RAD51C: variants seen among roughly 807,000 people sequenced by gnomAD.
The protein encoded by RAD51C is DNA repair protein RAD51 homolog 3.
A neutral mutation model predicts 45.0 loss-of-function variants in RAD51C; 42 were observed. The observed-to-expected ratio is 0.93, with a 90% CI of 0.73 to 1.21. The LOEUF (loss-of-function observed/expected upper bound fraction) is 1.21. RAD51C is among the 50% of genes most tolerant of loss of function. The pLI is 0.00. For synonymous variants in RAD51C, 172 were observed against 159.8 expected, an observed-to-expected ratio of 1.08 and a Z score of -0.58; for missense variants, 474 against 452.2, an observed-to-expected ratio of 1.05 and a Z score of -0.44.
chr17:58,718,016 G>A (rs1396120669), intron 5 of RAD51C, among the ~76,000 whole-genome samples: 1 of 151,674 alleles, frequency 6.6e-6, no homozygotes, highest in Admixed American at 6.6e-5. Flanking sequence ...TTTTTTTTGA[G>A]TTGGAGTCTT....
At chr17:58,695,657 T>TAG (rs2047977445) in intron 2 of RAD51C, among the ~76,000 whole-genome samples, 2 of 152,020 alleles carry the variant, frequency 1.3e-5, no homozygotes, top group Non-Finnish European at 2.9e-5. Flanking sequence ...TGGTGGCACA[T>TAG]GCCTGTGGTC....
intron 7 of RAD51C, among the ~76,000 whole-genome samples, chr17:58,731,259 T>TC (rs536926199): frequency 1.1e-5 from 1 of 87,846 alleles, no homozygotes. Flanking sequence ...TTAAAAGCAG[T>TC]TTTTTTTTTT....
chr17:58,692,654 A>T lies in RAD51C; in HGVS notation c.11A>T (p.Lys4Met), dbSNP rs2047798678. ...GCAGGTGAGCCTGCGATGCGCGGGAAGACGTTCCGCTTTGAAATGCAGCGG... is the reference window on the plus strand; with the variant it reads ...GCAGGTGAGCCTGCGATGCGCGGGATGACGTTCCGCTTTGAAATGCAGCGG... MRG[K>M]TFRFEMQRDL... Residue 4 changes from lysine (K) to methionine (M), a missense_variant, in exon 1 of 9, where the codon AAG (lysine) becomes ATG (methionine). Lys to Met is a moderately conservative substitution (Grantham distance 95). Transcript: ENST00000337432. The T allele has an allele frequency of 6.2e-7, 1 of 1,614,170 alleles. No homozygotes were observed. Among genetic ancestry groups the T allele is most frequent in the East Asian group, 2.2e-5 (1 of 44,880 alleles).
At position 58,732,552 on chromosome 17, in the gene RAD51C, T is replaced by G; in HGVS notation, c.1026+8T>G. 6.2e-7 allele frequency: 1 copy of G among 1,608,644 alleles called. No individual in the cohort carries two copies. The highest frequency in any genetic ancestry group is 8.5e-7 in the Non-Finnish European group (1 of 1,175,164). ...GTACTGTTTCAAATCAAAGTCAGTA[T>G]TATTTGATTAGAGTGGGATTTTGAT... On this transcript the variant is annotated splice_region_variant and intron_variant, in intron 8 of 8. Transcript: ENST00000337432.
Position 58,706,328 on chromosome 17 carries a change from G to A in RAD51C, c.705+2999G>A, listed in dbSNP as rs112230956. On this transcript the variant is annotated intron_variant, in intron 4 of 8. Coordinates refer to ENST00000337432, the MANE Select transcript of RAD51C (RefSeq NM_058216.3). ...TGTAGTCCCAGCTACTAGGGAGGCT[G>A]AGGCAGAAGAATCACTTCAACGCAG... Among the ~76,000 whole-genome samples the A allele has an allele frequency of 9.1e-3, 1,386 of 152,278 alleles. 26 individuals carry two copies. Among genetic ancestry groups the A allele is most frequent in the African/African-American group, 0.031 (1,281 of 41,542 alleles).
intron 4 of RAD51C, among the ~76,000 whole-genome samples, chr17:58,705,329 GT>G (rs2048341076): frequency 6.8e-6 from 1 of 146,296 alleles, no homozygotes; most frequent in African/African-American, 2.5e-5. Flanking sequence ...ATTCCCTGGT[GT>G]TTTTTCTTTT....
At chr17:58,711,809 G>A (rs1157976071) in intron 5 of RAD51C, among the ~76,000 whole-genome samples, 1 of 152,030 alleles carries the variant, frequency 6.6e-6, no homozygotes, top group African/African-American at 2.4e-5. Context: ...TAGGGTTAGG[G>A]ACACACTTTC....
At position 58,714,952 on chromosome 17, in the gene RAD51C, T is replaced by C. The variant is rs1285290030; in HGVS notation, c.837+4962T>C. 2.0e-5 allele frequency among the ~76,000 whole-genome samples: 3 copies of C among 152,092 alleles called. No homozygotes were observed. The East Asian group carries it at 5.8e-4, about 29-fold the overall frequency. ...ATCACCACTGTATAATTTTAGAATA[T>C]TTCCGTCATCCTAAAAAAGAAACCC... On this transcript the variant is annotated intron_variant, in intron 5 of 8. Coordinates refer to ENST00000337432, the MANE Select transcript of RAD51C (RefSeq NM_058216.3).
At chr17:58,692,574 A>C (rs2047788481), upstream of RAD51C, 2 of 1,591,174 alleles carry the variant, frequency 1.3e-6, no homozygotes, top group Non-Finnish European at 1.7e-6. Context: ...TTTACGTCTG[A>C]CGTCACGCCG....
At chr17:58,694,774 C>T (rs2047932987) in intron 1 of RAD51C, 157 bp from the exon 2 acceptor site, 2 of 836,194 alleles carry the variant, frequency 2.4e-6, no homozygotes, top group South Asian at 3.0e-5. Context: ...TGTGTCCGGC[C>T]AAACTGAAAA....
At chr17:58,706,818 C>G (rs1185502854) in intron 4 of RAD51C, among the ~76,000 whole-genome samples, 1 of 152,176 alleles carries the variant, frequency 6.6e-6, no homozygotes, top group Non-Finnish European at 1.5e-5. Context: ...CCTTATCTAT[C>G]ACTGGCTTCT....
chr17:58,708,706 G>A (rs997475390), intron 4 of RAD51C, among the ~76,000 whole-genome samples: 1 of 151,616 alleles, frequency 6.6e-6, no homozygotes, highest in African/African-American at 2.4e-5. Flanking sequence ...TGCTTTGGGG[G>A]GGGCTTTCTT....
intron 8 of RAD51C, among the ~76,000 whole-genome samples, chr17:58,733,097 C>G (rs2049503714): frequency 6.6e-6 from 1 of 152,032 alleles, no homozygotes; most frequent in Non-Finnish European, 1.5e-5. Flanking sequence ...CTCACTGCAG[C>G]CTCCGCCCTA....
intron 7 of RAD51C, among the ~76,000 whole-genome samples, chr17:58,731,735 T>G (rs1170601273): frequency 6.6e-6 from 1 of 152,150 alleles, no homozygotes; most frequent in Non-Finnish European, 1.5e-5. Flanking sequence ...GACTTATTTT[T>G]GGGACATAAT....
chr17:58,713,350 C>CT (rs2048624372), intron 5 of RAD51C, among the ~76,000 whole-genome samples: 1 of 151,258 alleles, frequency 6.6e-6, no homozygotes, highest in Non-Finnish European at 1.5e-5. Context: ...TTTGGGTTTT[C>CT]TTTTTTATGA....
intron 4 of RAD51C, among the ~76,000 whole-genome samples, chr17:58,705,147 T>A (rs2048336085): frequency 6.6e-6 from 1 of 151,708 alleles, no homozygotes; most frequent in African/African-American, 2.4e-5. Context: ...TAAATAAAAA[T>A]TAAATAAATA....
chr17:58,733,971 C>T (rs1377077053), intron 8 of RAD51C, 147 bp from the exon 9 acceptor site: 6 of 1,255,068 alleles, frequency 4.8e-6, no homozygotes, highest in Non-Finnish European at 4.3e-6. Context: ...CCACCTCAGC[C>T]TCCCAAAGTG....
At chr17:58,709,092 C>CTTTTTTTTTTTTTTTTTTT (rs34570887) in intron 4 of RAD51C, among the ~76,000 whole-genome samples, 1 of 117,054 alleles carries the variant, frequency 8.5e-6, no homozygotes, top group Non-Finnish European at 1.7e-5. Context: ...TTTTGAATTA[C>CTTTTTTTTTTTTTTTTTTT]TTTTTTTTTT....
At position 58,696,707 on chromosome 17, in the gene RAD51C, T is replaced by A. The variant is rs767247010; in HGVS notation, c.419T>A (p.Val140Glu). The A allele has an allele frequency of 6.2e-7, 1 of 1,614,188 alleles. No individual in the cohort carries two copies. Among genetic ancestry groups the A allele is most frequent in the Non-Finnish European group, 8.5e-7 (1 of 1,180,032 alleles). Reference sequence around the variant, plus strand: ...TCTGTTGACAGTATGCAGTTGGCAGTAGATGTGCAGATACCAGAATGTTTT... The same window carrying A: ...TCTGTTGACAGTATGCAGTTGGCAGAAGATGTGCAGATACCAGAATGTTTT... ...GKTQLCMQLAVDVQIPECFGG... is the reference protein window; with the variant it reads ...GKTQLCMQLAEDVQIPECFGG... Residue 140 changes from valine (V) to glutamate (E), a missense_variant, in exon 3 of 9, where the codon GTA (valine) becomes GAA (glutamate). Coordinates refer to ENST00000337432, the MANE Select transcript of RAD51C (RefSeq NM_058216.3).
Sources: gnomAD v4.1 joint callset for allele counts (sites outside exome capture counted in the v4.1 genomes callset) on GRCh38, gnomAD v4.1.1 for gene constraint, MANE v1.5 for transcripts, NCBI Gene and HGNC (gene_info 2026-07-23, HGNC 2026-07-21) for gene names.